Variants in SLC24A2 observed in about 807,000 individuals in gnomAD.
SLC24A2 encodes solute carrier family 24 member 2, also known as sodium/potassium/calcium exchanger 2.
A neutral mutation model predicts 62.0 loss-of-function variants in SLC24A2; 36 were observed. The observed-to-expected ratio is 0.58, with a 90% CI of 0.44 to 0.77. SLC24A2 has a LOEUF of 0.77. Among genes scored for constraint, SLC24A2 ranks in the 30% least tolerant of loss-of-function variants. SLC24A2 has a pLI of 0.00. For missense variants in SLC24A2, 846 were observed against 817.9 expected (o/e 1.03, Z -0.42); for synonymous variants, 358 against 294.0 (o/e 1.22, Z -2.23).
At chr9:19,971,187 A>G in the SLC24A2 span, among the ~76,000 whole-genome samples, 18 of 152,308 alleles carry the variant, frequency 1.2e-4, no homozygotes, top group South Asian at 3.7e-3. Context: ...AGCTGAAACT[A>G]TCCTAGGTCA....
intron 9 of SLC24A2, among the ~76,000 whole-genome samples, chr9:19,527,033 A>T (rs1833476485): frequency 6.6e-6 from 1 of 152,184 alleles, no homozygotes; most frequent in Non-Finnish European, 1.5e-5. Context: ...AGTATGAGGT[A>T]AGGATCTAAG....
the SLC24A2 span, among the ~76,000 whole-genome samples, chr9:20,129,957 A>ACACACACACACT: frequency 6.6e-6 from 1 of 151,614 alleles, no homozygotes; most frequent in Non-Finnish European, 1.5e-5. Flanking sequence ...ACACACACAC[A>ACACACACACACT]CACACACAGA....
At chr9:19,740,183 G>C (rs1259786164) in intron 2 of SLC24A2, among the ~76,000 whole-genome samples, 6 of 152,076 alleles carry the variant, frequency 3.9e-5, no homozygotes, top group Non-Finnish European at 7.4e-5. Flanking sequence ...ATTTAATAAA[G>C]TTGAATATAT....
intron 5 of SLC24A2, among the ~76,000 whole-genome samples, chr9:19,580,724 GCT>G (rs1025091991): frequency 2.0e-5 from 3 of 152,186 alleles, no homozygotes; most frequent in Admixed American, 6.5e-5. Context: ...TCAAGCCCTA[GCT>G]CTCTCACTGT....
At chr9:19,721,300 C>T (rs1821018356) in intron 2 of SLC24A2, among the ~76,000 whole-genome samples, 1 of 152,070 alleles carries the variant, frequency 6.6e-6, no homozygotes, top group South Asian at 2.1e-4. Context: ...ATGATTTCAG[C>T]TGGATTTCAG....
At chr9:19,764,072 T>C (rs568377919) in intron 2 of SLC24A2, among the ~76,000 whole-genome samples, 2 of 152,324 alleles carry the variant, frequency 1.3e-5, no homozygotes, top group African/African-American at 4.8e-5. Flanking sequence ...TTTATCCATG[T>C]CTTCTAGATT....
the SLC24A2 span, among the ~76,000 whole-genome samples, chr9:19,834,039 C>T: frequency 7.7e-4 from 117 of 152,216 alleles, no homozygotes; most frequent in African/African-American, 2.7e-3. Flanking sequence ...GGAAAACTAA[C>T]AAACAGAAAG....
chr9:19,703,419 C>T (rs75880145), intron 2 of SLC24A2, among the ~76,000 whole-genome samples: 2,882 of 152,290 alleles, frequency 0.019, 46 homozygotes, highest in East Asian at 0.087. Context: ...AGATGAAGCA[C>T]ACTAAAGATC....
At chr9:19,691,361 G>A (rs1318475785) in intron 2 of SLC24A2, among the ~76,000 whole-genome samples, 1 of 152,104 alleles carries the variant, frequency 6.6e-6, no homozygotes, top group African/African-American at 2.4e-5. Flanking sequence ...ATCTCCCATG[G>A]GCAGAAAAGA....
the SLC24A2 span, among the ~76,000 whole-genome samples, chr9:20,113,218 C>T: frequency 6.6e-6 from 1 of 152,118 alleles, no homozygotes; most frequent in Non-Finnish European, 1.5e-5. Context: ...TTCTAGGGAA[C>T]CAGGCAGCAT....
chr9:19,919,847 G>A, the SLC24A2 span, among the ~76,000 whole-genome samples: 2 of 152,022 alleles, frequency 1.3e-5, no homozygotes, highest in African/African-American at 4.8e-5. Flanking sequence ...GCAGGTAACC[G>A]CCCCCATGAT....
At chr9:19,650,074 G>C (rs1395232898) in intron 2 of SLC24A2, among the ~76,000 whole-genome samples, 1 of 152,302 alleles carries the variant, frequency 6.6e-6, no homozygotes, top group East Asian at 1.9e-4. Flanking sequence ...TAGGGAAAAA[G>C]GAATATGGGG....
the SLC24A2 span, among the ~76,000 whole-genome samples, chr9:19,861,852 AG>A: frequency 6.6e-6 from 1 of 152,142 alleles, no homozygotes; most frequent in Non-Finnish European, 1.5e-5. Context: ...AGAAAGAACT[AG>A]TGAACTTGTT....
the SLC24A2 span, among the ~76,000 whole-genome samples, chr9:20,181,303 T>A: frequency 6.6e-6 from 1 of 151,650 alleles, no homozygotes; most frequent in East Asian, 1.9e-4. Flanking sequence ...GGACTAAATG[T>A]GATGATGTAT....
At chr9:19,831,544 TTCAAACAACTGTA>T in the SLC24A2 span, among the ~76,000 whole-genome samples, 1 of 152,196 alleles carries the variant, frequency 6.6e-6, no homozygotes, top group African/African-American at 2.4e-5. Flanking sequence ...ATCAAATCAG[TTCAAACAACTGTA>T]GTGCTACAAA....
the SLC24A2 span, among the ~76,000 whole-genome samples, chr9:20,226,003 G>A: frequency 2.6e-5 from 4 of 152,084 alleles, no homozygotes; most frequent in Admixed American, 2.0e-4. Context: ...GAGGAAACGG[G>A]ATCATACAGT....
chr9:19,918,939 G>C, the SLC24A2 span, among the ~76,000 whole-genome samples: 1 of 152,146 alleles, frequency 6.6e-6, no homozygotes. Flanking sequence ...CAATGTTCTG[G>C]GCAAGAAAGA....
chr9:19,698,400 T>C (rs73430065), intron 2 of SLC24A2, among the ~76,000 whole-genome samples: 7,621 of 152,242 alleles, frequency 0.05, 653 homozygotes, highest in African/African-American at 0.17. Context: ...ATGTAGATAT[T>C]TCAAAGTCCA....
chr9:20,098,360 T>G, the SLC24A2 span, among the ~76,000 whole-genome samples: 1 of 152,214 alleles, frequency 6.6e-6, no homozygotes, highest in Non-Finnish European at 1.5e-5. Context: ...AAGGCTATGA[T>G]GCCCAAACTC....
Sources: gnomAD v4.1 joint callset for allele counts (sites outside exome capture counted in the v4.1 genomes callset) on GRCh38, gnomAD v4.1.1 for gene constraint, MANE v1.5 for transcripts, NCBI Gene and HGNC (gene_info 2026-07-23, HGNC 2026-07-21) for gene names.